The following AACS variants were observed in gnomAD, a reference collection of about 807,000 sequenced individuals.
The protein encoded by AACS is acetoacetate-CoA ligase.
Under a neutral mutation model 83.1 loss-of-function variants are expected in AACS, and 69 were observed. That is an observed-to-expected ratio of 0.83 (90% confidence interval 0.68 to 1.01). The LOEUF is 1.01. Among genes scored for constraint, AACS ranks in the 50% least tolerant of loss-of-function variants. The pLI, the probability that AACS is intolerant of heterozygous loss-of-function variation, is 0.00. For synonymous variants in AACS, 333 were observed against 343.4 expected (o/e 0.97, Z 0.33); for missense variants, 866 against 882.2 (o/e 0.98, Z 0.23).
intron 13 of AACS, chr12:125,128,612 A>G (rs751807): frequency 0.028 from 5,256 of 189,680 alleles, 296 homozygotes; most frequent in African/African-American, 0.11. Flanking sequence ...GAACCTGGTC[A>G]TTGAAGGGAT....
Position 125,072,919 on chromosome 12 carries a change from GTTTTT to G in AACS, c.134-935_134-931del, listed in dbSNP as rs200182531. Reference sequence around the variant, plus strand: ...GGAGACCTTTTACCATGTAACTTTTGTTTTTTTTTTTTTTTTTTTTTTTTTTGAGA... The same window carrying G: ...GGAGACCTTTTACCATGTAACTTTTGTTTTTTTTTTTTTTTTTTTTTGAGA... On this transcript the variant is annotated intron_variant, in intron 1 of 17. Coordinates refer to ENST00000316519, the MANE Select transcript of AACS (RefSeq NM_023928.5). Among the ~76,000 whole-genome samples, 105 of 90,398 alleles carry G rather than the reference GTTTTT, an allele frequency of 1.2e-3. 2 individuals carry two copies. The highest frequency in any genetic ancestry group is 4.6e-3 in the African/African-American group (99 of 21,574). The allele number at this position is 90,398 out of a possible 152,430, so 59.3% of individuals were successfully genotyped here. A position where few individuals can be genotyped will look rare whatever the true frequency, so the allele number is the denominator to read the frequency against.
rs1956644016 is a variant in AACS at position 125,097,901 on chromosome 12, TTTGA to T, written c.571-4773_571-4770del. ...CCTCTCCACTGTCCTCCTTCATACG[TTTGA>T]TTGAGCGGTTCCTCGGTTCCTCTGT... On this transcript the variant is annotated intron_variant, in intron 5 of 17. Coordinates refer to ENST00000316519, the MANE Select transcript of AACS (RefSeq NM_023928.5). The surrounding 1 kb of genome is among the most constrained non-coding windows in gnomAD (Gnocchi z 4.3). 6.6e-6 allele frequency among the ~76,000 whole-genome samples: 1 copy of T among 152,240 alleles called. No individual in the cohort carries two copies. Among genetic ancestry groups the T allele is most frequent in the Non-Finnish European group, 1.5e-5 (1 of 68,052 alleles).
intron 3 of AACS, chr12:125,078,094 A>G: frequency 2.2e-6 from 1 of 455,578 alleles, no homozygotes; most frequent in Non-Finnish European, 4.4e-6. Context: ...CTCACTCCCT[A>G]GATCAGCACA....
chr12:125,141,696 CAAA>C (rs60837088), intron 17 of AACS: 28 of 60,520 alleles, frequency 4.6e-4, no homozygotes, highest in South Asian at 1.1e-3. Flanking sequence ...GACTCTGTCT[CAAA>C]AAAAAAAAAA....
chr12:125,103,005 C>A lies in AACS; in HGVS notation c.691C>A (p.Pro231Thr). ...TCTCCTCTCGCTCCTTCCAGGCCTA[C>A]CAGACTTGAAGAAAGTGGTGGTGAT... is the stretch of plus-strand genomic sequence containing the variant. ...EKLQQVVKGL[P>T]DLKKVVVIPY... The change falls in exon 7 of 18, where the codon CCA (proline) becomes ACA (threonine). Residue 231 changes from proline to threonine, a missense_variant. By Grantham distance (38) the Pro-to-Thr change is conservative (BLOSUM62 -1). Transcript: ENST00000316519. 1.2e-6 allele frequency: 2 copies of A among 1,613,634 alleles called. No homozygotes were observed. Among genetic ancestry groups the A allele is most frequent in the Non-Finnish European group, 1.7e-6 (2 of 1,179,880 alleles).
At chr12:125,135,037 C>T (rs888593262) in intron 16 of AACS, among the ~76,000 whole-genome samples, 185 bp downstream of exon 16, 5 of 152,204 alleles carry the variant, frequency 3.3e-5, no homozygotes, top group African/African-American at 9.7e-5. Flanking sequence ...CTCATAAAAC[C>T]TCAAATGGGG....
chr12:125,073,943 AT>A lies in AACS; in HGVS notation c.203del (p.Phe68SerfsTer60). 6.2e-7 allele frequency: 1 copy of A among 1,614,124 alleles called. No individual in the cohort carries two copies. Among genetic ancestry groups the A allele is most frequent in the Middle Eastern group, 1.6e-4 (1 of 6,062 alleles). On this transcript the variant is annotated frameshift_variant, in exon 2 of 18. Coordinates refer to ENST00000316519, the MANE Select transcript of AACS (RefSeq NM_023928.5). LOFTEE classifies it high-confidence loss of function. The stretch of plus-strand genomic sequence containing the variant: ...CAGACTTCTGGGCAGAGTTCTGGAA[AT>A]TCAGTGGAATTGTCTTCTCACGTGT... ...YSDFWAEFWKFSGIVFSRVYD... is the reference protein window; with the variant it reads ...YSDFWAEFWKXSGIVFSRVYD...
chr12:125,125,005 C>T lies in AACS; in HGVS notation c.1290C>T (p.Ile430=), dbSNP rs151296809. The change falls in exon 12 of 18, where the codon ATC becomes ATT. Residue 430 remains isoleucine, a synonymous_variant. Transcript: ENST00000316519. ...TCTACAGGTGCATCAAGAGCAGCAT[C>T]CTCCTGGGCTCCATCTCAGGTATGG... is the stretch of plus-strand genomic sequence containing the variant. ...EYVYRCIKSS[I]LLGSISGGTD... 1.4e-3 allele frequency: 2,214 copies of T among 1,614,208 alleles called. 10 individuals carry two copies. Among genetic ancestry groups the T allele is most frequent in the Middle Eastern group, 0.012 (72 of 6,062 alleles).
intron 5 of AACS, among the ~76,000 whole-genome samples, chr12:125,096,846 T>C (rs535745643): frequency 3.3e-5 from 5 of 151,980 alleles, no homozygotes; most frequent in African/African-American, 1.2e-4. Flanking sequence ...CTTGCCTGGC[T>C]GGGGGTGAGC....
intron 15 of AACS, 127 bp downstream of exon 15, chr12:125,134,199 C>A: frequency 1.0e-6 from 1 of 979,626 alleles, no homozygotes; most frequent in Non-Finnish European, 1.5e-6. Context: ...CACTCCAGCA[C>A]CAGGGTGTCC....
intron 7 of AACS, chr12:125,105,559 A>AT (rs1290468116): frequency 6.6e-6 from 1 of 152,150 alleles, no homozygotes; most frequent in Non-Finnish European, 1.5e-5. Context: ...TGGCCTGGCT[A>AT]TTTTTTCTGA....
chr12:125,067,966 G>A (rs1056643571), intron 1 of AACS, among the ~76,000 whole-genome samples: 9 of 152,234 alleles, frequency 5.9e-5, no homozygotes, highest in African/African-American at 1.9e-4. Context: ...GAGTGGGTGT[G>A]CAGGTGACAG....
chr12:125,079,461 A>G (rs1956111533), intron 3 of AACS, among the ~76,000 whole-genome samples: 1 of 152,162 alleles, frequency 6.6e-6, no homozygotes, highest in African/African-American at 2.4e-5. Context: ...GGCTCACTGC[A>G]GCCTCGACTT....
rs1226473525 is a variant in AACS, at chr12:125,134,089, C to T, written c.1619+17C>T. ...TGGCCGGAGGTAAGGGCTGCAGAGT[C>T]GGCTTCTCTTTCCTGGAGCCCCACC... On this transcript the variant is annotated intron_variant, in intron 15 of 17. Transcript: ENST00000316519. The T allele has an allele frequency of 5.0e-6, 8 of 1,612,162 alleles. No homozygotes were observed. The South Asian group carries it at 5.5e-5, about 11-fold the overall frequency.
chr12:125,128,439 C>T (rs1021517916), intron 13 of AACS, 165 bp downstream of exon 13: 23 of 554,248 alleles, frequency 4.1e-5, no homozygotes, highest in Non-Finnish European at 6.1e-5. Context: ...CTTGGTTTAA[C>T]ACCCGCCGGG....
rs1208905047 is a variant in AACS at position 125,097,125 on chromosome 12, G to A, written c.571-5554G>A. Among the ~76,000 whole-genome samples the A allele has an allele frequency of 6.6e-6, 1 of 152,146 alleles. No individual in the cohort carries two copies. The highest frequency in any genetic ancestry group is 1.9e-4 in the East Asian group (1 of 5,182). ...GTGGCCTGCGGAGTAAATGCTGGTG[G>A]GACCGGGGTGCCACCTGCCTGCAGA... On this transcript the variant is annotated intron_variant, in intron 5 of 17. Coordinates refer to ENST00000316519, the MANE Select transcript of AACS (RefSeq NM_023928.5). This position sits in a 1 kb window ranked among gnomAD's most constrained non-coding sequence, Gnocchi z 4.3.
rs1956850400 is a variant in AACS, at chr12:125,107,113, G to T, written c.768-8G>T. 8 of 1,613,964 alleles carry T rather than the reference G, an allele frequency of 5.0e-6. No homozygotes were observed. The highest frequency in any genetic ancestry group is 2.7e-5 in the African/African-American group (2 of 74,918). On this transcript the variant is annotated splice_polypyrimidine_tract_variant and splice_region_variant and intron_variant, in intron 7 of 17. Coordinates refer to ENST00000316519, the MANE Select transcript of AACS (RefSeq NM_023928.5). Reference sequence around the variant, plus strand: ...TCATGGCGTGTTTCCCTGCGTTTCGGCCCACAGTGTGTTTCTGGATGACTT... The same window carrying T: ...TCATGGCGTGTTTCCCTGCGTTTCGTCCCACAGTGTGTTTCTGGATGACTT...
chr12:125,082,171 ATTTTT>A (rs71092271), intron 3 of AACS, among the ~76,000 whole-genome samples: 1 of 131,946 alleles, frequency 7.6e-6, no homozygotes, highest in Non-Finnish European at 1.6e-5. Flanking sequence ...GCCCAGCCTG[ATTTTT>A]TTTTTTTTTT....
At chr12:125,090,230 T>TCCATCCATCCATCCATCCGTTCATC (rs370458772) in intron 4 of AACS, among the ~76,000 whole-genome samples, 2 of 113,452 alleles carry the variant, frequency 1.8e-5, no homozygotes, top group South Asian at 3.3e-4. Flanking sequence ...CATCCATTTA[T>TCCATCCATCCATCCATCCGTTCATC]TATGCTTCCA....
Sources: allele counts gnomAD v4.1 joint callset (sites outside exome capture counted in the v4.1 genomes callset), GRCh38; gene constraint gnomAD v4.1.1; non-coding constraint Gnocchi (gnomAD v3.1); transcripts MANE v1.5; gene names NCBI Gene and HGNC (gene_info 2026-07-23, HGNC 2026-07-21).